DUSP5: variants seen among roughly 807,000 people sequenced by gnomAD.
DUSP5 encodes the protein dual specificity protein phosphatase 5.
DUSP5 carries 22 observed loss-of-function variants against 33.6 expected under a neutral mutation model. The observed-to-expected ratio is 0.66, with a 90% CI of 0.47 to 0.94. The LOEUF (loss-of-function observed/expected upper bound fraction) is 0.94. Among genes scored for constraint, DUSP5 ranks in the 40% least tolerant of loss-of-function variants. DUSP5 has a pLI of 0.00. For missense variants in DUSP5, 551 were observed against 522.1 expected, an observed-to-expected ratio of 1.06 and a Z score of -0.54; for synonymous variants, 270 against 231.1, an observed-to-expected ratio of 1.17 and a Z score of -1.53.
intron 3 of DUSP5, among the ~76,000 whole-genome samples, chr10:110,507,562 G>A (rs760133741): frequency 1.3e-5 from 2 of 152,122 alleles, no homozygotes; most frequent in Non-Finnish European, 2.9e-5. Flanking sequence ...CACTACTTAC[G>A]CACTGAGCCC....
At chr10:110,507,971 CCATCTTCCTCTTTAA>C (rs1159116196) in intron 3 of DUSP5, among the ~76,000 whole-genome samples, 1 of 152,230 alleles carries the variant, frequency 6.6e-6, no homozygotes, top group African/African-American at 2.4e-5. Flanking sequence ...TTTCCAGCTC[CCATCTTCCTCTTTAA>C]CATACGTAGT....
chr10:110,511,300 T>C lies in DUSP5; in HGVS notation c.*874T>C, dbSNP rs1860190249. 1 of 152,640 alleles carries C rather than the reference T, an allele frequency of 6.6e-6. No homozygotes were observed. The allele number at this position is 152,640 out of a possible 1,614,324, so 9.5% of individuals were successfully genotyped here. On this transcript the variant is annotated 3_prime_UTR_variant, in exon 4 of 4. Transcript: ENST00000369583. ...CTGTCCTTCTGTGTGCTTATGTCTC[T>C]TGTGACAATTGTTTTCCTCCCTGCC...
rs1860129192 is a variant in DUSP5, at chr10:110,507,142, A to AC, written c.736_737insC (p.Ile246ThrfsTer5). ...CATTAGCTCCCACTTTCAAGAAGCA[A>AC]TAGACTTCATTGGTAGGTTTAGCCA... On this transcript the variant is annotated frameshift_variant, in exon 3 of 4. Transcript: ENST00000369583. LOFTEE classifies it high-confidence loss of function. 6.2e-7 allele frequency: 1 copy of AC among 1,613,414 alleles called. No homozygotes were observed. Among genetic ancestry groups the AC allele is most frequent in the South Asian group, 1.1e-5 (1 of 91,082 alleles).
At chr10:110,499,284 C>T (rs577201083) in intron 1 of DUSP5, among the ~76,000 whole-genome samples, 3 of 152,286 alleles carry the variant, frequency 2.0e-5, no homozygotes, top group East Asian at 3.9e-4. Flanking sequence ...TTTCACCTGC[C>T]GGGAAGATAA....
intron 2 of DUSP5, among the ~76,000 whole-genome samples, chr10:110,505,238 C>T (rs1860103961): frequency 6.6e-6 from 1 of 152,164 alleles, no homozygotes; most frequent in Admixed American, 6.5e-5. Flanking sequence ...GGGTTTCAGC[C>T]CAGCTCTACC....
chr10:110,499,557 G>C (rs1201133879), intron 1 of DUSP5, among the ~76,000 whole-genome samples: 1 of 152,194 alleles, frequency 6.6e-6, no homozygotes, highest in Non-Finnish European at 1.5e-5. Flanking sequence ...CGCCGAGTTA[G>C]GAGCCTGTTT....
Position 110,510,652 on chromosome 10 carries a change from G to C in DUSP5, c.*226G>C. ...CCATTACGGGAGCACAGCATGTGCT[G>C]ACTACTGTACTTCCAGACCCCTGCC... is the stretch of plus-strand genomic sequence containing the variant. On this transcript the variant is annotated 3_prime_UTR_variant, in exon 4 of 4. Coordinates refer to ENST00000369583, the MANE Select transcript of DUSP5 (RefSeq NM_004419.4). 1.8e-6 allele frequency: 1 copy of C among 569,692 alleles called. No individual in the cohort carries two copies. Among genetic ancestry groups the C allele is most frequent in the Non-Finnish European group, 3.0e-6 (1 of 335,376 alleles). The allele number at this position is 569,692 out of a possible 1,614,324, so 35.3% of individuals were successfully genotyped here.
chr10:110,501,033 GTT>G (rs1346761756), intron 1 of DUSP5, among the ~76,000 whole-genome samples: 1 of 152,220 alleles, frequency 6.6e-6, no homozygotes, highest in Non-Finnish European at 1.5e-5. Flanking sequence ...TCGTCCTGAA[GTT>G]TGGGAGGGCC....
intron 2 of DUSP5, among the ~76,000 whole-genome samples, chr10:110,505,358 T>C (rs1860105865): frequency 6.6e-6 from 1 of 152,214 alleles, no homozygotes; most frequent in African/African-American, 2.4e-5. Flanking sequence ...GAAATTGGTA[T>C]GATGTAGGCA....
chr10:110,497,924 G>A lies in DUSP5; in HGVS notation c.-198G>A, dbSNP rs1490458489. 2 of 246,670 alleles carry A rather than the reference G, an allele frequency of 8.1e-6. No individual in the cohort carries two copies. The highest frequency in any genetic ancestry group is 2.3e-5 in the African/African-American group (1 of 43,048). The allele number at this position is 246,670 out of a possible 1,614,324, so 15.3% of individuals were successfully genotyped here. ...GAATCCCCGGCTTCTAGGGCGGCGA[G>A]CGGCCGGGCTGGCTATCGAGCGAGC... On this transcript the variant is annotated 5_prime_UTR_variant, in exon 1 of 4. Transcript: ENST00000369583.
At chr10:110,508,495 C>T (rs761474650) in intron 3 of DUSP5, among the ~76,000 whole-genome samples, 8 of 152,254 alleles carry the variant, frequency 5.3e-5, no homozygotes, top group South Asian at 2.1e-4. Context: ...GCTTTTTCTC[C>T]GATTGCTTGC....
intron 2 of DUSP5, among the ~76,000 whole-genome samples, chr10:110,504,058 C>T (rs1860089742): frequency 6.6e-6 from 1 of 152,214 alleles, no homozygotes; most frequent in Non-Finnish European, 1.5e-5. Flanking sequence ...TAATAAACAT[C>T]CTTACAGTAT....
chr10:110,509,359 C>T (rs1350724502), intron 3 of DUSP5, among the ~76,000 whole-genome samples: 3 of 152,182 alleles, frequency 2.0e-5, no homozygotes, highest in Non-Finnish European at 2.9e-5. Flanking sequence ...GTCTAGTAGG[C>T]GTCACTTAGC....
At chr10:110,506,793 C>T in intron 2 of DUSP5, 142 bp from the exon 3 acceptor site, 1 of 854,938 alleles carries the variant, frequency 1.2e-6, no homozygotes, top group Non-Finnish European at 1.9e-6. Flanking sequence ...CTTGGTTGAA[C>T]TGCCCTGGCT....
At chr10:110,501,414 A>C (rs2134657615) in intron 1 of DUSP5, among the ~76,000 whole-genome samples, 1 of 152,286 alleles carries the variant, frequency 6.6e-6, no homozygotes. Context: ...GGGGCGGGGC[A>C]GTTCCAGTGA....
In DUSP5 at chr10:110,507,041, C is replaced by T. The variant is rs1860127163; in HGVS notation, c.635C>T (p.Ser212Phe). 1 of 1,614,136 alleles carries T rather than the reference C, an allele frequency of 6.2e-7. No homozygotes were observed. Among genetic ancestry groups the T allele is most frequent in the Non-Finnish European group, 8.5e-7 (1 of 1,180,052 alleles). The part of the protein sequence containing the change: ...NLHITALLNV[S>F]RRTSEACATH... ...CACATCACAGCCCTGCTGAATGTCT[C>T]CCGACGGACCTCCGAGGCCTGCGCG... The change falls in exon 3 of 4, where the codon TCC (serine) becomes TTC (phenylalanine). Residue 212 changes from serine to phenylalanine, a missense_variant. Ser to Phe is a radical substitution (Grantham distance 155, BLOSUM62 -2). This residue lies in a region of DUSP5 where 381 missense variants were observed against 310.4 expected (regional missense o/e 1.23). Transcript: ENST00000369583.
intron 1 of DUSP5, among the ~76,000 whole-genome samples, chr10:110,499,043 C>T (rs965614608): frequency 6.6e-6 from 1 of 152,118 alleles, no homozygotes; most frequent in African/African-American, 2.4e-5. Context: ...TTGTTTCCCT[C>T]CGGCCTCTTC....
Position 110,497,940 on chromosome 10 carries a change from T to G in DUSP5, c.-182T>G, listed in dbSNP as rs1397854726. ...GGGCGGCGAGCGGCCGGGCTGGCTA[T>G]CGAGCGAGCGGGGCGGGAACGCGGA... On this transcript the variant is annotated 5_prime_UTR_variant, in exon 1 of 4. Transcript: ENST00000369583. The G allele has an allele frequency of 3.0e-6, 1 of 331,962 alleles. No homozygotes were observed. The highest frequency in any genetic ancestry group is 6.5e-5 in the Admixed American group (1 of 15,406). The allele number at this position is 331,962 out of a possible 1,614,324, so 20.6% of individuals were successfully genotyped here.
In DUSP5 at chr10:110,502,876, G is replaced by A. The variant is rs764132232; in HGVS notation, c.528+7G>A. 6.2e-7 allele frequency: 1 copy of A among 1,614,178 alleles called. No homozygotes were observed. Among genetic ancestry groups the A allele is most frequent in the Non-Finnish European group, 8.5e-7 (1 of 1,180,012 alleles). ...CAGGCCAGCTTATGACCAGGTACGT[G>A]ATGTGATGGGGAAGAGGTATCCTGA... On this transcript the variant is annotated splice_region_variant and intron_variant, in intron 2 of 3. Coordinates refer to ENST00000369583, the MANE Select transcript of DUSP5 (RefSeq NM_004419.4).
Sources: allele counts gnomAD v4.1 joint callset (sites outside exome capture counted in the v4.1 genomes callset), GRCh38; gene constraint gnomAD v4.1.1; regional missense constraint gnomAD v4.1.1; transcripts MANE v1.5; gene names NCBI Gene and HGNC (gene_info 2026-07-23, HGNC 2026-07-21).